UXS1: variants seen among roughly 807,000 people sequenced by gnomAD.
UXS1 encodes the protein UDP-glucuronate decarboxylase 1, also known as UDP-glucuronic acid decarboxylase 1.
A neutral mutation model predicts 62.6 loss-of-function variants in UXS1; 33 were observed. The ratio of observed to expected loss-of-function variants is 0.53; its 90% CI spans 0.40 to 0.70. The LOEUF (loss-of-function observed/expected upper bound fraction) is 0.70. Ranked by LOEUF, UXS1 falls within the 30% of genes least tolerant of loss-of-function variation. The probability of loss-of-function intolerance (pLI) is 0.00; values close to 1 mark genes in which losing one functional copy is unlikely to be tolerated. For synonymous variants in UXS1, 213 were observed against 206.8 expected (o/e 1.03, Z -0.26); for missense variants, 434 against 556.3 (o/e 0.78, Z 2.21).
At chr2:106,139,557 G>A (rs2104975228) in intron 6 of UXS1, among the ~76,000 whole-genome samples, 1 of 152,288 alleles carries the variant, frequency 6.6e-6, no homozygotes, top group South Asian at 2.1e-4. Context: ...CACCATAGGA[G>A]GAGAACAACT....
intron 1 of UXS1, among the ~76,000 whole-genome samples, chr2:106,168,931 G>C (rs1683373363): frequency 6.6e-6 from 1 of 152,144 alleles, no homozygotes; most frequent in Admixed American, 6.5e-5. Context: ...AGTTTAAATG[G>C]TGACATGAGT....
At chr2:106,118,363 ACTCTGCCATTTGCTGG>A (rs1437505459) in intron 9 of UXS1, among the ~76,000 whole-genome samples, 1 of 151,562 alleles carries the variant, frequency 6.6e-6, no homozygotes, top group East Asian at 1.9e-4. Context: ...CTTTCTTTCC[ACTCTGCCATTTGCTGG>A]TTTTATGAAT....
In UXS1 at chr2:106,124,638, A is replaced by T. The variant is rs145000885; in HGVS notation, c.637+982T>A. On this transcript the variant is annotated intron_variant, in intron 8 of 14. Coordinates refer to ENST00000283148, the MANE Select transcript of UXS1 (RefSeq NM_001253875.2). Reference sequence around the variant, plus strand: ...GTCAGACATGCAGATAATAAATGAGATGAGTAGGGGAAGCAGGATGGCTGT... The same window carrying T: ...GTCAGACATGCAGATAATAAATGAGTTGAGTAGGGGAAGCAGGATGGCTGT... 4.4e-4 allele frequency among the ~76,000 whole-genome samples: 67 copies of T among 152,318 alleles called. 1 individual carries two copies. The East Asian group carries it at 0.012, about 28-fold the overall frequency.
At chr2:106,148,677 G>T (rs6543378) in intron 5 of UXS1, among the ~76,000 whole-genome samples, 69,882 of 151,962 alleles carry the variant, frequency 0.46, 16,167 homozygotes, top group East Asian at 0.58. Context: ...TAGCTGGATG[G>T]TTATGCAATT....
chr2:106,110,650 A>G (rs1450053810), intron 10 of UXS1, among the ~76,000 whole-genome samples: 1 of 152,190 alleles, frequency 6.6e-6, no homozygotes, highest in Non-Finnish European at 1.5e-5. Context: ...CACTTACCAT[A>G]AAGGAAAGCG....
chr2:106,100,099 G>A (rs955059044), intron 12 of UXS1, among the ~76,000 whole-genome samples: 9 of 152,208 alleles, frequency 5.9e-5, no homozygotes, highest in Admixed American at 5.9e-4. Context: ...GGTAATTTGG[G>A]AGAAGCACCT....
At chr2:106,102,294 T>C (rs1171334962) in intron 11 of UXS1, 4 of 152,146 alleles carry the variant, frequency 2.6e-5, no homozygotes, top group African/African-American at 9.7e-5. Flanking sequence ...TCTGTGCAGG[T>C]TTATAAAAAG....
chr2:106,180,233 C>A lies in UXS1; in HGVS notation c.94+13915G>T, dbSNP rs541385724. Among the ~76,000 whole-genome samples, 10 of 152,316 alleles carry A rather than the reference C, an allele frequency of 6.6e-5. 1 individual carries two copies. The highest frequency in any genetic ancestry group is 6.8e-3 in the Middle Eastern group (2 of 294). ...TACAAATGGTACAATGCAAAGGAAA[C>A]AACCAGTAACCCACGGGAAGGTGAA... is the stretch of plus-strand genomic sequence containing the variant. On this transcript the variant is annotated intron_variant, in intron 1 of 14. Coordinates refer to ENST00000283148, the MANE Select transcript of UXS1 (RefSeq NM_001253875.2).
chr2:106,105,312 T>C (rs1469405675), intron 10 of UXS1, among the ~76,000 whole-genome samples: 1 of 152,196 alleles, frequency 6.6e-6, no homozygotes, highest in Non-Finnish European at 1.5e-5. Context: ...CCTGGTATTG[T>C]TACAGCTAGC....
chr2:106,158,979 C>G (rs1682679023), intron 4 of UXS1, among the ~76,000 whole-genome samples: 1 of 152,170 alleles, frequency 6.6e-6, no homozygotes, highest in Non-Finnish European at 1.5e-5. Flanking sequence ...TTAGACACCC[C>G]CATGATTTCA....
chr2:106,156,932 T>C (rs1393433650), intron 5 of UXS1, among the ~76,000 whole-genome samples: 1 of 152,172 alleles, frequency 6.6e-6, no homozygotes, highest in Non-Finnish European at 1.5e-5. Context: ...TATGAAATAC[T>C]GATACAAGCT....
Position 106,129,739 on chromosome 2 carries a change from G to A in UXS1, c.512C>T (p.Pro171Leu). Residue 171 changes from proline to leucine, a missense_variant, in exon 7 of 15, where the codon CCA (proline) becomes CTA (leucine). Pro to Leu is a moderately conservative substitution (Grantham distance 98). Transcript: ENST00000283148. ...IYHLASPASPPNYMYNPIKTL... is the reference protein window; with the variant it reads ...IYHLASPASPLNYMYNPIKTL... ...CTTGATAGGATTATACATGTAGTTT[G>A]GAGGGGAGGCTGGAGATGCCAGATG... 6.2e-7 allele frequency: 1 copy of A among 1,611,946 alleles called. No individual in the cohort carries two copies. Among genetic ancestry groups the A allele is most frequent in the Non-Finnish European group, 8.5e-7 (1 of 1,178,902 alleles).
At chr2:106,188,213 CTTGT>C (rs1439769226) in intron 1 of UXS1, among the ~76,000 whole-genome samples, 1 of 151,958 alleles carries the variant, frequency 6.6e-6, no homozygotes, top group African/African-American at 2.4e-5. Context: ...CTTTTTTGTT[CTTGT>C]TTAAGGAATC....
rs945288172 is a variant in UXS1, at chr2:106,096,650, T to G, written c.1146+68A>C. The G allele has an allele frequency of 2.1e-6, 3 of 1,437,030 alleles. No homozygotes were observed. In the African/African-American group the frequency reaches 4.3e-5, roughly 21 times the overall value. The allele number at this position is 1,437,030 out of a possible 1,614,324, so 89.0% of individuals were successfully genotyped here. On this transcript the variant is annotated intron_variant, in intron 14 of 14. Transcript: ENST00000283148. The stretch of plus-strand genomic sequence containing the variant: ...GGGCTGTCTGACAAGGGTCAGTGCC[T>G]ACAGGACAGCAGACACAGGACACGG...
intron 10 of UXS1, among the ~76,000 whole-genome samples, chr2:106,106,237 G>A (rs191570976): frequency 2.0e-5 from 3 of 152,052 alleles, no homozygotes; most frequent in East Asian, 1.9e-4. Context: ...GGTGGTGGGC[G>A]CCTGTAATCC....
rs1010667118 is a variant in UXS1 at position 106,194,226 on chromosome 2, G to C, written c.16C>G (p.Leu6Val). The part of the protein sequence containing the change: MVSKA[L>V]LRLVSAVNRR... The stretch of plus-strand genomic sequence containing the variant: ...TTGACGGCAGACACGAGGCGCAGCA[G>C]CGCCTTGCTCACCATCCCCGGGAGC... Residue 6 changes from leucine (L) to valine (V), a missense_variant, in exon 1 of 15, where the codon CTG becomes GTG. By Grantham distance (32) the Leu-to-Val change is conservative. Transcript: ENST00000283148. The C allele has an allele frequency of 1.4e-6, 2 of 1,456,904 alleles. No individual in the cohort carries two copies. Among genetic ancestry groups the C allele is most frequent in the African/African-American group, 3.0e-5 (2 of 67,594 alleles). The allele number at this position is 1,456,904 out of a possible 1,614,324, so 90.2% of individuals were successfully genotyped here. A position where few individuals can be genotyped will look rare whatever the true frequency, so the allele number is the denominator to read the frequency against.
intron 5 of UXS1, among the ~76,000 whole-genome samples, chr2:106,145,916 A>G (rs1015473751): frequency 6.6e-5 from 10 of 152,228 alleles, no homozygotes; most frequent in African/African-American, 2.4e-4. Flanking sequence ...TTTGTAGACT[A>G]AAGCCCTAAA....
At chr2:106,191,362 C>G (rs980091429) in intron 1 of UXS1, among the ~76,000 whole-genome samples, 2 of 152,180 alleles carry the variant, frequency 1.3e-5, no homozygotes, top group Admixed American at 6.5e-5. Flanking sequence ...GGCAAGATTA[C>G]TAATTAGGAA....
intron 1 of UXS1, among the ~76,000 whole-genome samples, chr2:106,181,021 T>C (rs1466329963): frequency 1.3e-5 from 2 of 152,214 alleles, no homozygotes; most frequent in Non-Finnish European, 2.9e-5. Context: ...GGTTACCAAA[T>C]GAATGAATCT....
Sources: gnomAD v4.1 joint callset for allele counts (sites outside exome capture counted in the v4.1 genomes callset) on GRCh38, gnomAD v4.1.1 for gene constraint, MANE v1.5 for transcripts, NCBI Gene and HGNC (gene_info 2026-07-23, HGNC 2026-07-21) for gene names.